Variants in MAP4K3 observed in about 807,000 individuals in gnomAD.
MAP4K3 encodes mitogen-activated protein kinase kinase kinase kinase 3, also known as MAPK/ERK kinase kinase kinase 3.
In MAP4K3, 94 loss-of-function variants were observed where a neutral mutation model predicts 143.5. That is an observed-to-expected ratio of 0.65 (90% CI 0.55 to 0.78). The LOEUF (loss-of-function observed/expected upper bound fraction) is 0.78, where lower values mean the gene tolerates loss of function less well. Among genes scored for constraint, MAP4K3 ranks in the 30% least tolerant of loss-of-function variants. MAP4K3 has a pLI of 0.00. For missense variants in MAP4K3, 1,077 were observed against 1,068.1 expected (o/e 1.01, Z -0.12); for synonymous variants, 416 against 347.2 (o/e 1.20, Z -2.20).
At chr2:39,292,933 C>T (rs889022775) in intron 17 of MAP4K3, 107 bp from the exon 18 acceptor site, 10 of 950,222 alleles carry the variant, frequency 1.1e-5, no homozygotes, top group Admixed American at 4.3e-5. Flanking sequence ...AATTTTATTT[C>T]TGCATCTTTA....
intron 1 of MAP4K3, among the ~76,000 whole-genome samples, chr2:39,414,422 T>C (rs765611983): frequency 4.6e-5 from 7 of 152,164 alleles, no homozygotes; most frequent in Non-Finnish European, 7.4e-5. Context: ...GCTCACAAAA[T>C]AATGTTAGGC....
intron 13 of MAP4K3, among the ~76,000 whole-genome samples, chr2:39,312,717 T>G (rs1057146092): frequency 2.0e-5 from 3 of 152,242 alleles, no homozygotes; most frequent in African/African-American, 7.2e-5. Flanking sequence ...CTGTTCACAA[T>G]TGATCACACA....
chr2:39,409,807 C>G (rs1267137005), intron 1 of MAP4K3, among the ~76,000 whole-genome samples: 1 of 152,106 alleles, frequency 6.6e-6, no homozygotes, highest in Non-Finnish European at 1.5e-5. Context: ...GGTATAAATG[C>G]CTATTTACCT....
At chr2:39,371,191 T>C (rs1229149827) in intron 2 of MAP4K3, among the ~76,000 whole-genome samples, 1 of 151,688 alleles carries the variant, frequency 6.6e-6, no homozygotes, top group African/African-American at 2.4e-5. Context: ...AAGATAAGAG[T>C]TTTTGTAATA....
At chr2:39,355,942 C>G (rs1665599472) in intron 3 of MAP4K3, among the ~76,000 whole-genome samples, 1 of 152,168 alleles carries the variant, frequency 6.6e-6, no homozygotes. Flanking sequence ...TGACCTAAGT[C>G]CAGAAGAAAG....
At chr2:39,269,281 T>C (rs886112817) in intron 26 of MAP4K3, among the ~76,000 whole-genome samples, 2 of 151,930 alleles carry the variant, frequency 1.3e-5, no homozygotes, top group African/African-American at 4.8e-5. Flanking sequence ...AAATATAATA[T>C]CGTAGTACTG....
chr2:39,361,863 T>G (rs1665780666), intron 2 of MAP4K3, among the ~76,000 whole-genome samples: 1 of 151,986 alleles, frequency 6.6e-6, no homozygotes, highest in South Asian at 2.1e-4. Flanking sequence ...CCATGTTAGC[T>G]TATGAGAGTC....
intron 18 of MAP4K3, 46 bp from the exon 19 acceptor site, chr2:39,290,380 G>GAA (rs757707728): frequency 1.6e-6 from 2 of 1,221,440 alleles, no homozygotes; most frequent in Non-Finnish European, 1.2e-6. Context: ...TTTTACAAAT[G>GAA]AATCAATCCT....
chr2:39,365,569 C>T (rs1409500944), intron 2 of MAP4K3, among the ~76,000 whole-genome samples: 5 of 150,790 alleles, frequency 3.3e-5, no homozygotes, highest in Non-Finnish European at 4.4e-5. Context: ...CTCAGCCTCC[C>T]GAGTAGCTGG....
At chr2:39,378,226 A>T in intron 1 of MAP4K3, 103 bp from the exon 2 acceptor site, 1 of 623,872 alleles carries the variant, frequency 1.6e-6, no homozygotes, top group Non-Finnish European at 2.8e-6. Context: ...AAAATATTTT[A>T]AAAGAAATGC....
chr2:39,305,201 A>G (rs2708224), intron 15 of MAP4K3, among the ~76,000 whole-genome samples: 145,156 of 152,182 alleles, frequency 0.95, 69,641 homozygotes, highest in East Asian at 1. Context: ...ACATTAAAAC[A>G]GTAAATTTCG....
At chr2:39,305,905 C>T (rs1178758643) in intron 15 of MAP4K3, among the ~76,000 whole-genome samples, 1 of 151,924 alleles carries the variant, frequency 6.6e-6, no homozygotes, top group Non-Finnish European at 1.5e-5. Flanking sequence ...TCTTGGCTCA[C>T]TGCAACCTCC....
chr2:39,313,451 TTTCCTTCTTTCTTTCC>T (rs1249944111), intron 13 of MAP4K3, among the ~76,000 whole-genome samples: 1 of 76,294 alleles, frequency 1.3e-5, no homozygotes, highest in African/African-American at 2.7e-5. Flanking sequence ...TTCTTCTTTC[TTTCCTTCTTTCTTTCC>T]TTCCTTCCTT....
At chr2:39,414,388 G>A (rs1667312032) in intron 1 of MAP4K3, among the ~76,000 whole-genome samples, 1 of 152,206 alleles carries the variant, frequency 6.6e-6, no homozygotes, top group Admixed American at 6.5e-5. Context: ...GGGGAATTAA[G>A]AGGCTAGTAG....
Position 39,265,228 on chromosome 2 carries a change from G to C in MAP4K3, c.2111C>G (p.Pro704Arg). ...CTTAATTAACATAAATTTCTGCATT[G>C]GTTCAACCCATTCTAATAGAACAAT... ...TSIVLLEWVE[P>R]MQKFMLIKHI... Residue 704 changes from proline (P) to arginine (R), a missense_variant, in exon 28 of 34, where the codon CCA becomes CGA. Physicochemically the swap from Pro to Arg is moderately radical, Grantham distance 103 (BLOSUM62 -2). This residue lies in a region of MAP4K3 where 864 missense variants were observed against 801.2 expected (regional missense o/e 1.08). Coordinates refer to ENST00000263881, the MANE Select transcript of MAP4K3 (RefSeq NM_003618.4). 6.2e-7 allele frequency: 1 copy of C among 1,610,088 alleles called. No individual in the cohort carries two copies. The highest frequency in any genetic ancestry group is 1.3e-5 in the African/African-American group (1 of 74,950).
chr2:39,318,172 A>G (rs1360151367), intron 12 of MAP4K3, among the ~76,000 whole-genome samples: 1 of 152,154 alleles, frequency 6.6e-6, no homozygotes, highest in Non-Finnish European at 1.5e-5. Flanking sequence ...ACATGTTCTC[A>G]CTGATAAGTG....
At chr2:39,421,584 C>A (rs868752511) in intron 1 of MAP4K3, among the ~76,000 whole-genome samples, 1 of 151,982 alleles carries the variant, frequency 6.6e-6, no homozygotes, top group Non-Finnish European at 1.5e-5. Flanking sequence ...ATACCTACCT[C>A]GTAAGGTTGT....
At chr2:39,307,785 T>C (rs965641222) in intron 15 of MAP4K3, among the ~76,000 whole-genome samples, 158 bp downstream of exon 15, 1 of 152,074 alleles carries the variant, frequency 6.6e-6, no homozygotes. Context: ...ATGTAACTTG[T>C]TATGGGAAAA....
intron 26 of MAP4K3, among the ~76,000 whole-genome samples, chr2:39,268,390 G>C (rs1431547043): frequency 6.8e-6 from 1 of 147,248 alleles, no homozygotes; most frequent in Non-Finnish European, 1.5e-5. Flanking sequence ...GTGTGATCTT[G>C]GCTCACTGCA....
Sources: allele counts gnomAD v4.1 joint callset (sites outside exome capture counted in the v4.1 genomes callset), GRCh38; gene constraint gnomAD v4.1.1; regional missense constraint gnomAD v4.1.1; transcripts MANE v1.5; gene names NCBI Gene and HGNC (gene_info 2026-07-23, HGNC 2026-07-21).